The following PDCD11 variants were observed in gnomAD, a reference collection of about 807,000 sequenced individuals.
PDCD11 encodes protein RRP5 homolog.
PDCD11 carries 97 observed loss-of-function variants against 198.9 expected under a neutral mutation model. The ratio of observed to expected loss-of-function variants is 0.49; its 90% CI spans 0.41 to 0.58. The LOEUF (loss-of-function observed/expected upper bound fraction) is 0.58. Among genes scored for constraint, PDCD11 ranks in the 20% least tolerant of loss-of-function variants. The pLI is 0.00. For missense variants in PDCD11, 2,102 were observed against 2,312.7 expected (o/e 0.91, Z 1.87); for synonymous variants, 893 against 918.0 (o/e 0.97, Z 0.49).
intron 21 of PDCD11, among the ~76,000 whole-genome samples, chr10:103,430,841 C>T (rs529225014): frequency 6.6e-6 from 1 of 151,876 alleles, no homozygotes; most frequent in African/African-American, 2.4e-5. Context: ...TCTTATTGCC[C>T]AGGCTAGAGT....
At chr10:103,401,094 G>T in intron 3 of PDCD11, among the ~76,000 whole-genome samples, 1 of 151,948 alleles carries the variant, frequency 6.6e-6, no homozygotes, top group East Asian at 1.9e-4. Flanking sequence ...GGGCTTGTTT[G>T]TGTCCTCACA....
chr10:103,406,670 A>G lies in PDCD11; in HGVS notation c.750A>G (p.Gly250=), dbSNP rs1460808836. 6.2e-6 allele frequency: 10 copies of G among 1,614,048 alleles called. No individual in the cohort carries two copies. In the Admixed American group the frequency reaches 1.5e-4, roughly 24 times the overall value. ...TTGTTGAAAAGGTGAAAGGCAACGG[A>G]GGAGTTGTTAGTCTGTCTGTTGGTC... ...NCIVEKVKGN[G]GVVSLSVGHS... is the part of the protein sequence containing the mutation. Residue 250 remains glycine, a synonymous_variant, in exon 7 of 36, where the codon GGA becomes GGG. Transcript: ENST00000369797.
intron 2 of PDCD11, among the ~76,000 whole-genome samples, chr10:103,399,999 A>C (rs2029906914): frequency 6.6e-6 from 1 of 152,164 alleles, no homozygotes; most frequent in South Asian, 2.1e-4. Flanking sequence ...ATTTTATATA[A>C]TTTAGCTGAA....
At chr10:103,402,917 A>G (rs1319785854) in intron 3 of PDCD11, among the ~76,000 whole-genome samples, 1 of 151,912 alleles carries the variant, frequency 6.6e-6, no homozygotes, top group Non-Finnish European at 1.5e-5. Flanking sequence ...TTTTTGGAGA[A>G]ACTACGTTGC....
At chr10:103,419,405 C>T (rs2031297172) in intron 15 of PDCD11, 133 bp from the exon 16 acceptor site, 1 of 963,244 alleles carries the variant, frequency 1.0e-6, no homozygotes, top group Middle Eastern at 3.1e-4. Context: ...TGCTGCTGGT[C>T]TGCACACTTA....
At chr10:103,414,359 T>C (rs1454939376) in intron 11 of PDCD11, 29 bp downstream of exon 11, 5 of 1,548,092 alleles carry the variant, frequency 3.2e-6, no homozygotes, top group Non-Finnish European at 4.5e-6. Context: ...AATTAGGTAC[T>C]GCCTCACCAT....
intron 7 of PDCD11, among the ~76,000 whole-genome samples, chr10:103,407,946 T>C (rs185039936): frequency 1.4e-3 from 211 of 152,222 alleles, no homozygotes; most frequent in South Asian, 2.9e-3. Context: ...GTCAAAATCC[T>C]GACCTTAAGT....
At chr10:103,425,850 T>C (rs1358361958) in intron 20 of PDCD11, among the ~76,000 whole-genome samples, 1 of 152,042 alleles carries the variant, frequency 6.6e-6, no homozygotes, top group East Asian at 1.9e-4. Flanking sequence ...CGGCTAACTT[T>C]TTGTGTTTTT....
intron 20 of PDCD11, among the ~76,000 whole-genome samples, chr10:103,426,151 A>G (rs2031685672): frequency 6.6e-6 from 1 of 152,184 alleles, no homozygotes; most frequent in East Asian, 1.9e-4. Context: ...GTGAAGACTG[A>G]AAGAGAGAAC....
chr10:103,435,369 T>C (rs1274104214), intron 25 of PDCD11, among the ~76,000 whole-genome samples: 2 of 152,194 alleles, frequency 1.3e-5, no homozygotes, highest in African/African-American at 4.8e-5. Context: ...AATTCTCTGT[T>C]GATAGACAAT....
intron 5 of PDCD11, 185 bp downstream of exon 5, chr10:103,405,368 A>G (rs2030383335): frequency 2.0e-6 from 1 of 510,814 alleles, no homozygotes; most frequent in African/African-American, 2.0e-5. Context: ...GAACCTAATC[A>G]TTACATTGGA....
chr10:103,434,834 G>A lies in PDCD11; in HGVS notation c.3704G>A (p.Gly1235Asp), dbSNP rs2032082716. 7 of 1,611,850 alleles carry A rather than the reference G, an allele frequency of 4.3e-6. No homozygotes were observed. The highest frequency in any genetic ancestry group is 2.7e-5 in the African/African-American group (2 of 74,692). Residue 1235 changes from glycine (G) to aspartate (D), a missense_variant, in exon 25 of 36, where the codon GGC becomes GAC. Physicochemically the swap from Gly to Asp is moderately conservative, Grantham distance 94. Coordinates refer to ENST00000369797, the MANE Select transcript of PDCD11 (RefSeq NM_014976.2). ...HKLEEGEVAM[G>D]RVVKVTPNEG... ...CTTGAGGAAGGGGAAGTGGCCATGG[G>A]CCGAGTGGTGAAGGTGACTCCCAAC...
chr10:103,400,225 CCT>C (rs1491575070), intron 2 of PDCD11, among the ~76,000 whole-genome samples, 170 bp from the exon 3 acceptor site: 5 of 141,986 alleles, frequency 3.5e-5, no homozygotes, highest in East Asian at 2.0e-4. Flanking sequence ...CGGCCCCCCC[CCT>C]TTTTTTTTTT....
At chr10:103,404,634 C>T (rs531107251) in intron 4 of PDCD11, among the ~76,000 whole-genome samples, 2 of 152,316 alleles carry the variant, frequency 1.3e-5, no homozygotes, top group African/African-American at 4.8e-5. Flanking sequence ...AAGAGATAGA[C>T]TGCAAAACTG....
chr10:103,421,688 G>T (rs2031438288), intron 17 of PDCD11, 121 bp downstream of exon 17: 2 of 736,896 alleles, frequency 2.7e-6, no homozygotes, highest in East Asian at 2.8e-5. Flanking sequence ...TTTGGGGCCG[G>T]GCGCGGTGGC....
In PDCD11 at chr10:103,425,410, C is replaced by T; in HGVS notation, c.3190C>T (p.His1064Tyr). Residue 1064 changes from histidine to tyrosine, a missense_variant, in exon 20 of 36, where the codon CAT (histidine) becomes TAT (tyrosine). His to Tyr is a moderately conservative substitution (Grantham distance 83). Coordinates refer to ENST00000369797, the MANE Select transcript of PDCD11 (RefSeq NM_014976.2). ...TLEDGIIGCI[H>Y]ASHILDDVPE... is the part of the protein sequence containing the mutation. ...GGAAGATGGCATTATTGGCTGTATC[C>T]ATGCCTCCCACATTCTAGATGATGT... The T allele has an allele frequency of 6.2e-7, 1 of 1,614,086 alleles. No individual in the cohort carries two copies.
intron 17 of PDCD11, 109 bp downstream of exon 17, chr10:103,421,676 A>T (rs2031436519): frequency 8.6e-6 from 8 of 932,228 alleles, no homozygotes; most frequent in Middle Eastern, 3.4e-4. Context: ...AAGAAAAAAA[A>T]ATTTGGGGCC....
At chr10:103,429,395 G>A (rs893576872) in intron 21 of PDCD11, among the ~76,000 whole-genome samples, 3 of 152,106 alleles carry the variant, frequency 2.0e-5, no homozygotes, top group Non-Finnish European at 4.4e-5. Flanking sequence ...ACACATATCC[G>A]TTTATGTGGT....
rs568977083 is a variant in PDCD11, at chr10:103,404,944, A to C, written c.403-78A>C. 2.2e-6 allele frequency: 3 copies of C among 1,382,322 alleles called. No homozygotes were observed. In the African/African-American group the frequency reaches 4.3e-5, roughly 20 times the overall value. The allele number at this position is 1,382,322 out of a possible 1,614,324, so 85.6% of individuals were successfully genotyped here. Reference sequence around the variant, plus strand: ...CTCTGGGGTCTGAGGATGAGAAGTCACTGAGCCAAAGCTGGGTAATGGATT... The same window carrying C: ...CTCTGGGGTCTGAGGATGAGAAGTCCCTGAGCCAAAGCTGGGTAATGGATT... On this transcript the variant is annotated intron_variant, in intron 4 of 35. Transcript: ENST00000369797.
Sources: gnomAD v4.1 joint callset for allele counts (sites outside exome capture counted in the v4.1 genomes callset) on GRCh38, gnomAD v4.1.1 for gene constraint, MANE v1.5 for transcripts, NCBI Gene and HGNC (gene_info 2026-07-23, HGNC 2026-07-21) for gene names.